Variants in SPON1 observed in about 807,000 individuals in gnomAD.
SPON1 encodes spondin-1.
SPON1 carries 52 observed loss-of-function variants against 111.7 expected under a neutral mutation model. That is an observed-to-expected ratio of 0.47 (90% CI 0.37 to 0.59). The LOEUF (loss-of-function observed/expected upper bound fraction) is 0.59. Among genes scored for constraint, SPON1 ranks in the 20% least tolerant of loss-of-function variants. The pLI is 0.00. For synonymous variants in SPON1, 410 were observed against 395.8 expected (o/e 1.04, Z -0.43); for missense variants, 957 against 1,068.5 (o/e 0.90, Z 1.46).
At chr11:14,184,207 T>C (rs886638269) in intron 6 of SPON1, among the ~76,000 whole-genome samples, 3 of 152,216 alleles carry the variant, frequency 2.0e-5, no homozygotes, top group Non-Finnish European at 4.4e-5. Context: ...TTCATTGATC[T>C]ATTAACATAA....
At chr11:13,984,875 C>T (rs1554910130) in intron 2 of SPON1, among the ~76,000 whole-genome samples, 2 of 152,194 alleles carry the variant, frequency 1.3e-5, no homozygotes, top group Non-Finnish European at 2.9e-5. Flanking sequence ...CTGCTAGTGT[C>T]CAGACCTCAG....
Position 14,264,518 on chromosome 11 carries a change from C to A in SPON1, c.2261-1006C>A, listed in dbSNP as rs139981465. Among the ~76,000 whole-genome samples, 364 of 152,266 alleles carry A rather than the reference C, an allele frequency of 2.4e-3. 1 individual carries two copies. The highest frequency in any genetic ancestry group is 8.2e-3 in the African/African-American group (341 of 41,542). On this transcript the variant is annotated intron_variant, in intron 15 of 15. Transcript: ENST00000576479. ...GTTTTCTGATTTTTAAAGGCCTATT[C>A]TTTTTGAAGCATGAGGATCTCCTTG...
chr11:14,021,129 T>C (rs1848478799), intron 2 of SPON1, among the ~76,000 whole-genome samples: 1 of 152,168 alleles, frequency 6.6e-6, no homozygotes, highest in Admixed American at 6.5e-5. Flanking sequence ...CTTTCTACTT[T>C]ATACCTATTT....
chr11:14,214,489 G>T (rs1443855300), intron 6 of SPON1, among the ~76,000 whole-genome samples: 2 of 152,156 alleles, frequency 1.3e-5, no homozygotes, highest in Non-Finnish European at 2.9e-5. Flanking sequence ...ATATTAAGAG[G>T]AGAAAAAGAT....
intron 5 of SPON1, among the ~76,000 whole-genome samples, chr11:14,092,026 C>G (rs1849063428): frequency 6.6e-6 from 1 of 152,216 alleles, no homozygotes; most frequent in East Asian, 1.9e-4. Flanking sequence ...CCTAACCAGT[C>G]CCAGTGAGAT....
At chr11:14,053,906 G>T (rs1848725929) in intron 3 of SPON1, among the ~76,000 whole-genome samples, 1 of 152,088 alleles carries the variant, frequency 6.6e-6, no homozygotes. Context: ...AAGAAGCGAG[G>T]GCAGAAGCCA....
intron 6 of SPON1, among the ~76,000 whole-genome samples, chr11:14,203,802 A>G (rs1848487755): frequency 6.6e-6 from 1 of 152,198 alleles, no homozygotes; most frequent in African/African-American, 2.4e-5. Context: ...GAGATATTTA[A>G]GCACTGAGTT....
intron 3 of SPON1, among the ~76,000 whole-genome samples, chr11:14,065,457 G>A (rs1303313685): frequency 1.1e-4 from 17 of 152,182 alleles, no homozygotes; most frequent in African/African-American, 3.9e-4. Flanking sequence ...GGAGCAGCAA[G>A]GACTCAGCAC....
intron 6 of SPON1, among the ~76,000 whole-genome samples, chr11:14,215,523 G>T (rs1378468152): frequency 6.6e-6 from 1 of 152,070 alleles, no homozygotes. Flanking sequence ...ATGATGGCTT[G>T]GGGTCCTCAA....
At chr11:14,241,739 C>A (rs1848929193) in intron 6 of SPON1, among the ~76,000 whole-genome samples, 1 of 152,134 alleles carries the variant, frequency 6.6e-6, no homozygotes, top group South Asian at 2.1e-4. Context: ...TCAAGATAAA[C>A]AACTTCTCGG....
chr11:14,224,799 T>A, intron 6 of SPON1: 1 of 455,238 alleles, frequency 2.2e-6, no homozygotes, highest in South Asian at 1.7e-5. Context: ...GGTGAGCCCT[T>A]GGGCTCCATG....
In SPON1 at chr11:14,255,663, C is replaced by T. The variant is rs1172734911; in HGVS notation, c.1109C>T (p.Thr370Ile). ...TTCTTGCAGTCACCCAACAAACCCA[C>T]CATTCCCCAGGAGAAAATCCGGCCC... is the stretch of plus-strand genomic sequence containing the variant. ...GVTYESPNKP[T>I]IPQEKIRPLT... The change falls in exon 9 of 16, where the codon ACC becomes ATC. Residue 370 changes from threonine (T) to isoleucine (I), a missense_variant. By Grantham distance (89) the Thr-to-Ile change is moderately conservative. Around this residue, in one of 5 missense-constraint regions of SPON1, gnomAD observed 549 missense variants for 606.2 expected, o/e 0.91. Coordinates refer to ENST00000576479, the MANE Select transcript of SPON1 (RefSeq NM_006108.4). 2 of 1,613,830 alleles carry T rather than the reference C, an allele frequency of 1.2e-6. No individual in the cohort carries two copies. The highest frequency in any genetic ancestry group is 4.5e-5 in the East Asian group (2 of 44,894).
intron 7 of SPON1, among the ~76,000 whole-genome samples, chr11:14,248,293 G>C (rs1340682534): frequency 1.3e-5 from 2 of 152,156 alleles, no homozygotes; most frequent in East Asian, 1.9e-4. Flanking sequence ...AGCAAGTACA[G>C]ACCACTCTTC....
chr11:14,102,441 A>G (rs1849151234), intron 5 of SPON1, among the ~76,000 whole-genome samples: 1 of 152,200 alleles, frequency 6.6e-6, no homozygotes, highest in Non-Finnish European at 1.5e-5. Flanking sequence ...TTTTCATAAT[A>G]TGATCCATTG....
intron 4 of SPON1, among the ~76,000 whole-genome samples, chr11:14,079,644 T>C (rs1313710913): frequency 3.3e-5 from 5 of 151,982 alleles, no homozygotes; most frequent in African/African-American, 1.2e-4. Flanking sequence ...GAATAGCCTA[T>C]GGGTTATTGC....
At chr11:14,172,990 G>C (rs1396336334) in intron 6 of SPON1, among the ~76,000 whole-genome samples, 1 of 151,800 alleles carries the variant, frequency 6.6e-6, no homozygotes, top group Non-Finnish European at 1.5e-5. Context: ...CTCTTCTCGA[G>C]GAGCATCTTT....
intron 6 of SPON1, among the ~76,000 whole-genome samples, chr11:14,189,498 C>T (rs1848322122): frequency 6.6e-6 from 1 of 152,154 alleles, no homozygotes; most frequent in African/African-American, 2.4e-5. Context: ...GCTCTTTCCC[C>T]TGCAGACACA....
chr11:14,066,110 C>G (rs1203654737), intron 3 of SPON1, among the ~76,000 whole-genome samples: 2 of 152,292 alleles, frequency 1.3e-5, no homozygotes, highest in African/African-American at 4.8e-5. Context: ...CCAGGTACCA[C>G]TAATCAATTG....
chr11:14,219,611 T>C (rs1239688828), intron 6 of SPON1, among the ~76,000 whole-genome samples: 1 of 152,200 alleles, frequency 6.6e-6, no homozygotes, highest in Admixed American at 6.5e-5. Context: ...TGTAGCCTGC[T>C]TGAAGAAAGA....
Sources: gnomAD v4.1 joint callset for allele counts (sites outside exome capture counted in the v4.1 genomes callset) on GRCh38, gnomAD v4.1.1 for gene constraint, gnomAD v4.1.1 regional missense constraint, MANE v1.5 for transcripts, NCBI Gene and HGNC (gene_info 2026-07-23, HGNC 2026-07-21) for gene names.